Variants in CAMTA1 observed in about 807,000 individuals in gnomAD.
CAMTA1 encodes calmodulin binding transcription activator 1.
In CAMTA1, 27 loss-of-function variants were observed where a neutral mutation model predicts 170.9. The ratio of observed to expected loss-of-function variants is 0.16; its 90% CI spans 0.12 to 0.22. The LOEUF (loss-of-function observed/expected upper bound fraction) is 0.22. Ranked by LOEUF, CAMTA1 falls within the 10% of genes least tolerant of loss-of-function variation. The pLI is 1.00. For missense variants in CAMTA1, 1,619 were observed against 2,217.2 expected, an observed-to-expected ratio of 0.73 and a Z score of 5.42; for synonymous variants, 833 against 891.5, an observed-to-expected ratio of 0.93 and a Z score of 1.17.
At chr1:7,501,965 A>G (rs901746015) in intron 6 of CAMTA1, among the ~76,000 whole-genome samples, 1 of 152,184 alleles carries the variant, frequency 6.6e-6, no homozygotes, top group African/African-American at 2.4e-5. Flanking sequence ...AGCAAGCCTG[A>G]GTCTCTGAGA....
At chr1:7,507,359 G>A (rs139889325) in intron 6 of CAMTA1, among the ~76,000 whole-genome samples, 11 of 152,240 alleles carry the variant, frequency 7.2e-5, no homozygotes, top group Non-Finnish European at 2.9e-5. Context: ...GTGAGGAGCC[G>A]TCTCTGCACA....
At position 7,469,777 on chromosome 1, in the gene CAMTA1, G is replaced by A. The variant is rs2093294314; in HGVS notation, c.510+1876G>A. ...CACTAAATTTACTTTCCTGGAATCA[G>A]ACACCATTGGGCAGCCACGAGGTCT... On this transcript the variant is annotated intron_variant, in intron 6 of 22. Transcript: ENST00000303635. Among the ~76,000 whole-genome samples, 5 of 152,328 alleles carry A rather than the reference G, an allele frequency of 3.3e-5. No homozygotes were observed. In the South Asian group the frequency reaches 1.0e-3, roughly 32 times the overall value.
rs892731735 is a variant in CAMTA1, at chr1:6,909,696, G to C, written c.234+84486G>C. Among the ~76,000 whole-genome samples, 10 of 152,264 alleles carry C rather than the reference G, an allele frequency of 6.6e-5. 1 individual carries two copies. The highest frequency in any genetic ancestry group is 2.4e-4 in the African/African-American group (10 of 41,470). ...CTGGAGCAGGTGGGGTGACCCACAGGAGGTGGCCTGGGTACATTCAGCTCT... is the reference window on the plus strand; with the variant it reads ...CTGGAGCAGGTGGGGTGACCCACAGCAGGTGGCCTGGGTACATTCAGCTCT... On this transcript the variant is annotated intron_variant, in intron 3 of 22. Coordinates refer to ENST00000303635, the MANE Select transcript of CAMTA1 (RefSeq NM_015215.4).
At chr1:7,058,432 G>C (rs1477353761) in intron 3 of CAMTA1, among the ~76,000 whole-genome samples, 1 of 152,164 alleles carries the variant, frequency 6.6e-6, no homozygotes, top group Non-Finnish European at 1.5e-5. Flanking sequence ...TTGCTTCTGG[G>C]CTGGTAGAAA....
At chr1:6,836,572 C>CATGTGTGTGT (rs367638667) in intron 3 of CAMTA1, among the ~76,000 whole-genome samples, 1 of 152,088 alleles carries the variant, frequency 6.6e-6, no homozygotes, top group Non-Finnish European at 1.5e-5. Flanking sequence ...GCAGAGTCCA[C>CATGTGTGTGT]ATGTGTGTGT....
chr1:7,575,125 T>C (rs992512160), intron 6 of CAMTA1, among the ~76,000 whole-genome samples: 3 of 152,180 alleles, frequency 2.0e-5, no homozygotes, highest in African/African-American at 7.2e-5. Context: ...AAATAACTCA[T>C]GTTGGGTGCT....
At chr1:7,549,362 G>C (rs2094767552) in intron 6 of CAMTA1, among the ~76,000 whole-genome samples, 2 of 152,048 alleles carry the variant, frequency 1.3e-5, no homozygotes, top group Non-Finnish European at 2.9e-5. Flanking sequence ...GGTTGACCTT[G>C]TTGGCAGCAG....
At chr1:7,177,369 T>A (rs1435309174) in intron 4 of CAMTA1, among the ~76,000 whole-genome samples, 2 of 145,324 alleles carry the variant, frequency 1.4e-5, no homozygotes, top group African/African-American at 5.2e-5. Flanking sequence ...CCTGTCCACA[T>A]ACCAATGCCT....
At chr1:7,427,384 A>G (rs1372253860) in intron 5 of CAMTA1, among the ~76,000 whole-genome samples, 1 of 152,162 alleles carries the variant, frequency 6.6e-6, no homozygotes, top group Non-Finnish European at 1.5e-5. Context: ...CAAACTCAGT[A>G]TTTCTACGGC....
chr1:6,832,532 G>A (rs1021850926), intron 3 of CAMTA1, among the ~76,000 whole-genome samples: 5 of 151,994 alleles, frequency 3.3e-5, no homozygotes, highest in African/African-American at 1.2e-4. Context: ...GTATTTATAT[G>A]TTATCTCTTT....
chr1:7,099,347 G>A (rs1428677190), intron 4 of CAMTA1, among the ~76,000 whole-genome samples: 2 of 152,084 alleles, frequency 1.3e-5, no homozygotes, highest in Non-Finnish European at 2.9e-5. Flanking sequence ...CAGTGCGTCC[G>A]GCCCTCCCTT....
intron 5 of CAMTA1, among the ~76,000 whole-genome samples, chr1:7,277,744 A>T (rs1246666124): frequency 6.6e-6 from 1 of 151,366 alleles, no homozygotes; most frequent in Non-Finnish European, 1.5e-5. Context: ...ATCTTTCTGA[A>T]TGCTTTTCAC....
At chr1:7,620,319 CAA>C (rs1443684629) in intron 6 of CAMTA1, among the ~76,000 whole-genome samples, 1 of 152,174 alleles carries the variant, frequency 6.6e-6, no homozygotes, top group African/African-American at 2.4e-5. Flanking sequence ...AGCCCCACAA[CAA>C]AGAGTTATAC....
chr1:7,187,581 T>C (rs1454955201), intron 4 of CAMTA1, among the ~76,000 whole-genome samples: 1 of 152,158 alleles, frequency 6.6e-6, no homozygotes, highest in African/African-American at 2.4e-5. Context: ...TAATTTCTGG[T>C]TTTAAAAGAT....
rs544480128 is a variant in CAMTA1 at position 6,832,422 on chromosome 1, A to G, written c.234+7212A>G. ...TATTTAGTCTTTTTTTGGTGTCGATACATAATCTTGAGTGTTTCTTGTGTT... is the reference window on the plus strand; with the variant it reads ...TATTTAGTCTTTTTTTGGTGTCGATGCATAATCTTGAGTGTTTCTTGTGTT... On this transcript the variant is annotated intron_variant, in intron 3 of 22. Coordinates refer to ENST00000303635, the MANE Select transcript of CAMTA1 (RefSeq NM_015215.4). 5.9e-5 allele frequency among the ~76,000 whole-genome samples: 9 copies of G among 152,272 alleles called. No individual in the cohort carries two copies. The East Asian group carries it at 1.3e-3, about 23-fold the overall frequency.
chr1:7,497,585 C>G (rs1299279506), intron 6 of CAMTA1, among the ~76,000 whole-genome samples: 2 of 152,240 alleles, frequency 1.3e-5, no homozygotes, highest in Non-Finnish European at 2.9e-5. Context: ...GAATGGAAAT[C>G]TCTCACGTCA....
intron 3 of CAMTA1, among the ~76,000 whole-genome samples, chr1:6,839,966 C>T (rs956156153): frequency 1.2e-4 from 18 of 152,024 alleles, no homozygotes; most frequent in African/African-American, 2.9e-4. Flanking sequence ...TCTGGGAGGC[C>T]GAGGTGGGCA....
At position 7,523,276 on chromosome 1, in the gene CAMTA1, T is replaced by G. The variant is rs568336000; in HGVS notation, c.510+55375T>G. On this transcript the variant is annotated intron_variant, in intron 6 of 22. Transcript: ENST00000303635. ...AGGTAGAGTGGGTTCTTATTTATTC[T>G]TCTCTGTCAAGCCTGTTTTAGCTAT... 1.9e-3 allele frequency among the ~76,000 whole-genome samples: 288 copies of G among 152,380 alleles called. 1 individual carries two copies. Among genetic ancestry groups the G allele is most frequent in the Admixed American group, 2.2e-3 (34 of 15,306 alleles).
At chr1:7,179,371 T>A (rs752597319) in intron 4 of CAMTA1, among the ~76,000 whole-genome samples, 13 of 151,858 alleles carry the variant, frequency 8.6e-5, no homozygotes, top group Admixed American at 4.6e-4. Context: ...TGGAAAAAAA[T>A]AACAATGGAA....
Sources: allele counts gnomAD v4.1 joint callset (sites outside exome capture counted in the v4.1 genomes callset), GRCh38; gene constraint gnomAD v4.1.1; transcripts MANE v1.5; gene names NCBI Gene and HGNC (gene_info 2026-07-23, HGNC 2026-07-21).